ZFY: variants seen among roughly 807,000 people sequenced by gnomAD.
ZFY encodes zinc finger Y-chromosomal protein.
For missense variants in ZFY, 113 were observed against 170.9 expected (o/e 0.66, Z 1.89); for synonymous variants, 47 against 55.8 (o/e 0.84, Z 0.71).
intron 3 of ZFY, among the ~76,000 whole-genome samples, chrY:2,974,543 A>G: frequency 2.9e-5 from 1 of 33,965 alleles, no homozygotes; most frequent in South Asian, 6.4e-4. Flanking sequence ...TTCTCATAGA[A>G]CAGATAAGAC....
At position 2,979,456 on chromosome Y, in the gene ZFY, C is replaced by T. The variant is rs768180251; in HGVS notation, c.1869C>T (p.His623=). 30 of 397,230 alleles carry T rather than the reference C, an allele frequency of 7.6e-5. No individual in the cohort carries two copies. The highest frequency in any genetic ancestry group is 5.9e-4 in the Middle Eastern group (1 of 1,705). The change falls in exon 8 of 8, where the codon CAC becomes CAT. Residue 623 remains histidine (H), a synonymous_variant. Transcript: ENST00000155093. ...TKEVQQHTLV[H]QESKTHQCLH... Reference sequence around the variant, plus strand: ...AAGTGCAGCAACATACTCTTGTCCACCAAGAAAGCAAAACACATCAGTGTT... The same window carrying T: ...AAGTGCAGCAACATACTCTTGTCCATCAAGAAAGCAAAACACATCAGTGTT...
chrY:2,941,922 C>T, intron 1 of ZFY, among the ~76,000 whole-genome samples: 1 of 30,548 alleles, frequency 3.3e-5, no homozygotes, highest in Non-Finnish European at 7.8e-5. Context: ...GCCCACCCTC[C>T]GCCAATATAA....
At chrY:2,936,094 C>T (rs771306787) in intron 1 of ZFY, among the ~76,000 whole-genome samples, 1 of 34,417 alleles carries the variant, frequency 2.9e-5, no homozygotes, top group African/African-American at 1.1e-4. Context: ...TTCCAGACGC[C>T]TGCGGCAGCG....
chrY:2,966,506 T>C, intron 3 of ZFY, among the ~76,000 whole-genome samples: 2 of 33,299 alleles, frequency 6.0e-5, no homozygotes, highest in Admixed American at 5.5e-4. Context: ...TATAGTCTTA[T>C]ATAATCTATG....
rs1268151770 is a variant in ZFY at position 2,977,780 on chromosome Y, C to CA, written c.1082-132dup. 1.9e-3 allele frequency: 21 copies of CA among 11,203 alleles called. No homozygotes were observed. The African/African-American group carries it at 0.045, about 24-fold the overall frequency. The allele number at this position is 11,203 out of a possible 400,897, so 2.8% of individuals were successfully genotyped here. On this transcript the variant is annotated intron_variant, in intron 6 of 7. Transcript: ENST00000155093. ...TGGGTGACAGAGCAAGACTCTGTCT[C>CA]AAAAAAAAAAAAAAAAAAAAAAAAA... is the stretch of plus-strand genomic sequence containing the variant.
chrY:2,967,100 AAT>A (rs2051330606), intron 3 of ZFY, among the ~76,000 whole-genome samples: 1 of 33,663 alleles, frequency 3.0e-5, no homozygotes, highest in South Asian at 6.4e-4. Context: ...CAACAACTTT[AAT>A]ATCTATCAGT....
chrY:2,946,619 T>C (rs2051262795), intron 1 of ZFY, among the ~76,000 whole-genome samples: 1 of 32,236 alleles, frequency 3.1e-5, no homozygotes, highest in Non-Finnish European at 7.5e-5. Flanking sequence ...TAAAATTTGC[T>C]TTATCTTGAA....
chrY:2,954,579 G>A lies in ZFY; in HGVS notation c.61+582G>A, dbSNP rs2124504902. Among the ~76,000 whole-genome samples, 3 of 30,402 alleles carry A rather than the reference G, an allele frequency of 9.9e-5. No individual in the cohort carries two copies. In the South Asian group the frequency reaches 2.3e-3, roughly 23 times the overall value. The allele number at this position is 30,402 out of a possible 37,273, so 81.6% of individuals were successfully genotyped here. A position where few individuals can be genotyped will look rare whatever the true frequency, so the allele number is the denominator to read the frequency against. The stretch of plus-strand genomic sequence containing the variant: ...CTGAGCATGGTGGTGCATATCTCTA[G>A]TTCTAGCTGCTCTGGAGGCTGAGGT... On this transcript the variant is annotated intron_variant, in intron 2 of 7. Transcript: ENST00000155093.
At chrY:2,964,189 T>C (rs2051319287) in intron 3 of ZFY, among the ~76,000 whole-genome samples, 1 of 33,147 alleles carries the variant, frequency 3.0e-5, no homozygotes, top group Non-Finnish European at 7.4e-5. Context: ...TCAAAGGAGA[T>C]AGAAATCAAA....
At chrY:2,942,729 C>T (rs2051249110) in intron 1 of ZFY, among the ~76,000 whole-genome samples, 1 of 31,579 alleles carries the variant, frequency 3.2e-5, no homozygotes, top group Non-Finnish European at 7.6e-5. Flanking sequence ...CCCAGCTGTG[C>T]CACATTTTCT....
rs2051273473 is a variant in ZFY at position 2,949,965 on chromosome Y, TG to T, written c.-28-3942del. On this transcript the variant is annotated intron_variant, in intron 1 of 7. Coordinates refer to ENST00000155093, the MANE Select transcript of ZFY (RefSeq NM_003411.4). The stretch of plus-strand genomic sequence containing the variant: ...TTACATTGCTTTATTTCTCCTTTTT[TG>T]GTTTACTAGCTATTAGTTGTTTTCT... Among the ~76,000 whole-genome samples, 3 of 33,305 alleles carry T rather than the reference TG, an allele frequency of 9.0e-5. No individual in the cohort carries two copies. In the South Asian group the frequency reaches 2.0e-3, roughly 22 times the overall value. The allele number at this position is 33,305 out of a possible 37,273, so 89.4% of individuals were successfully genotyped here.
At chrY:2,947,057 A>G in intron 1 of ZFY, among the ~76,000 whole-genome samples, 1 of 34,235 alleles carries the variant, frequency 2.9e-5, no homozygotes, top group Non-Finnish European at 7.3e-5. Context: ...TAGAAGTTAA[A>G]AGCATTACAG....
intron 1 of ZFY, among the ~76,000 whole-genome samples, chrY:2,941,588 C>T: frequency 3.4e-5 from 1 of 29,830 alleles, no homozygotes; most frequent in Admixed American, 3.1e-4. Flanking sequence ...GCAGCCTTTG[C>T]CTCCTGGGTT....
At chrY:2,941,962 GTA>G (rs1355080915) in intron 1 of ZFY, among the ~76,000 whole-genome samples, 1 of 30,710 alleles carries the variant, frequency 3.3e-5, no homozygotes, top group East Asian at 8.2e-4. Context: ...GTGTGTGTGT[GTA>G]TATCTCTGTT....
intron 3 of ZFY, among the ~76,000 whole-genome samples, chrY:2,963,888 A>AAT (rs751893075): frequency 6.3e-5 from 2 of 31,512 alleles, no homozygotes; most frequent in Admixed American, 3.0e-4. Flanking sequence ...TATATATCTA[A>AAT]ATATATATAT....
intron 1 of ZFY, among the ~76,000 whole-genome samples, chrY:2,940,783 G>A (rs2051239337): frequency 3.0e-5 from 1 of 33,236 alleles, no homozygotes; most frequent in Non-Finnish European, 7.4e-5. Flanking sequence ...GGAACCCATG[G>A]GGATCTTTGA....
chrY:2,939,022 T>A (rs1603310602), intron 1 of ZFY, among the ~76,000 whole-genome samples: 4 of 16,749 alleles, frequency 2.4e-4, no homozygotes, highest in South Asian at 1.3e-3. Context: ...TATATATATA[T>A]AAATAAATAA....
intron 2 of ZFY, among the ~76,000 whole-genome samples, chrY:2,955,515 A>C (rs954833556): frequency 5.8e-5 from 2 of 34,381 alleles, no homozygotes; most frequent in African/African-American, 1.1e-4. Flanking sequence ...GCAGCTGGAC[A>C]AACTCCCATT....
intron 3 of ZFY, among the ~76,000 whole-genome samples, chrY:2,972,800 A>G: frequency 3.0e-5 from 1 of 33,571 alleles, no homozygotes; most frequent in Non-Finnish European, 7.3e-5. Flanking sequence ...TGTGAATTAC[A>G]TGGATCAAGA....
Sources: allele counts gnomAD v4.1 joint callset (sites outside exome capture counted in the v4.1 genomes callset), GRCh38; gene constraint gnomAD v4.1.1; transcripts MANE v1.5; gene names NCBI Gene and HGNC (gene_info 2026-07-23, HGNC 2026-07-21).